PLPP3: variants seen among roughly 807,000 people sequenced by gnomAD.
PLPP3 encodes PAP2 beta.
In PLPP3, 6 loss-of-function variants were observed where a neutral mutation model predicts 29.6. The observed-to-expected ratio is 0.20, with a 90% CI of 0.11 to 0.40. The LOEUF is 0.40. Ranked by LOEUF, PLPP3 falls within the 10% of genes least tolerant of loss-of-function variation. The probability of loss-of-function intolerance (pLI) is 1.00; values close to 1 mark genes in which losing one functional copy is unlikely to be tolerated. For synonymous variants in PLPP3, 152 were observed against 159.7 expected (o/e 0.95, Z 0.36); for missense variants, 308 against 407.7 (o/e 0.76, Z 2.11).
At position 56,524,108 on chromosome 1, in the gene PLPP3, C is replaced by T. The variant is rs754246250; in HGVS notation, c.575+169G>A. Among the ~76,000 whole-genome samples the T allele has an allele frequency of 2.6e-4, 39 of 152,176 alleles. No individual in the cohort carries two copies. Among genetic ancestry groups the T allele is most frequent in the Non-Finnish European group, 4.4e-4 (30 of 68,032 alleles). The stretch of plus-strand genomic sequence containing the variant: ...ATGAATGTACCTACCCATGCTATAT[C>T]GGAAGTATTGATTTACATATCTGTC... On this transcript the variant is annotated intron_variant, in intron 3 of 5. Transcript: ENST00000371250. The surrounding 1 kb of genome is among the most constrained non-coding windows in gnomAD (Gnocchi z 4.3).
intron 1 of PLPP3, among the ~76,000 whole-genome samples, chr1:56,550,588 GA>G (rs2100282206): frequency 6.6e-6 from 1 of 152,174 alleles, no homozygotes; most frequent in African/African-American, 2.4e-5. Flanking sequence ...CAGAGGGGAG[GA>G]AGAGGGTTGC....
At chr1:56,497,173 T>A (rs547346761) in intron 5 of PLPP3, among the ~76,000 whole-genome samples, 1 of 152,318 alleles carries the variant, frequency 6.6e-6, no homozygotes, top group South Asian at 2.1e-4. Flanking sequence ...GAAAACTTAG[T>A]GATATCAACC....
At chr1:56,537,814 G>A (rs1645938533) in intron 1 of PLPP3, among the ~76,000 whole-genome samples, 1 of 152,172 alleles carries the variant, frequency 6.6e-6, no homozygotes, top group Non-Finnish European at 1.5e-5. Context: ...TGGCCCTGCT[G>A]CCTGCAGACC....
chr1:56,557,875 C>A (rs1313680142), intron 1 of PLPP3, among the ~76,000 whole-genome samples: 1 of 152,168 alleles, frequency 6.6e-6, no homozygotes, highest in Non-Finnish European at 1.5e-5. Flanking sequence ...GGGCGCTTTT[C>A]CAACCCCATA....
At chr1:56,532,691 T>C (rs755854835) in intron 2 of PLPP3, among the ~76,000 whole-genome samples, 1 of 152,148 alleles carries the variant, frequency 6.6e-6, no homozygotes, top group Non-Finnish European at 1.5e-5. Flanking sequence ...TCCTCTGATA[T>C]CTTTTGACCT....
chr1:56,523,988 C>G, intron 3 of PLPP3, 108 bp from the exon 4 acceptor site: 1 of 1,309,604 alleles, frequency 7.6e-7, no homozygotes, highest in South Asian at 1.3e-5. Flanking sequence ...AGGCACTAGG[C>G]CCTGTTCATT....
intron 1 of PLPP3, among the ~76,000 whole-genome samples, chr1:56,552,025 C>T (rs1646042729): frequency 6.6e-6 from 1 of 152,204 alleles, no homozygotes; most frequent in African/African-American, 2.4e-5. Flanking sequence ...TTGCATCTGA[C>T]ACAAGGTATT....
At chr1:56,519,619 C>T (rs1645805052) in intron 4 of PLPP3, among the ~76,000 whole-genome samples, 1 of 152,116 alleles carries the variant, frequency 6.6e-6, no homozygotes, top group African/African-American at 2.4e-5. Context: ...ACATTTTATC[C>T]AGATAGCATG....
At chr1:56,501,068 A>G (rs1557496105) in intron 5 of PLPP3, among the ~76,000 whole-genome samples, 1 of 151,802 alleles carries the variant, frequency 6.6e-6, no homozygotes, top group Non-Finnish European at 1.5e-5. Context: ...ACGGAGTCAA[A>G]AAGCATGCAG....
In PLPP3 at chr1:56,507,168, C is replaced by T. The variant is rs570687515; in HGVS notation, c.810+4808G>A. On this transcript the variant is annotated intron_variant, in intron 5 of 5. Coordinates refer to ENST00000371250, the MANE Select transcript of PLPP3 (RefSeq NM_003713.5). ...CTCAACAGACCCAGGTAAAAGTTCT[C>T]GGCTGTCATGCCTGTTGCCTAAGGC... Among the ~76,000 whole-genome samples, 88 of 152,316 alleles carry T rather than the reference C, an allele frequency of 5.8e-4. 1 individual carries two copies. The highest frequency in any genetic ancestry group is 2.1e-3 in the African/African-American group (87 of 41,568).
intron 1 of PLPP3, among the ~76,000 whole-genome samples, chr1:56,552,443 T>G (rs79454567): frequency 0.01 from 1,596 of 152,282 alleles, 26 homozygotes; most frequent in African/African-American, 0.034. Flanking sequence ...TGATATATAA[T>G]TTACATAGCA....
At chr1:56,526,693 T>C (rs1052044679) in intron 2 of PLPP3, among the ~76,000 whole-genome samples, 1 of 152,226 alleles carries the variant, frequency 6.6e-6, no homozygotes, top group African/African-American at 2.4e-5. Context: ...TTTCTGCATT[T>C]GCAAAACGAG....
intron 2 of PLPP3, among the ~76,000 whole-genome samples, chr1:56,529,879 C>A (rs1187602786): frequency 6.6e-6 from 1 of 151,980 alleles, no homozygotes; most frequent in East Asian, 1.9e-4. Flanking sequence ...AGAATAAAGA[C>A]AGCAAAGAGG....
intron 1 of PLPP3, chr1:56,538,913 A>G (rs1645948386): frequency 6.6e-6 from 1 of 151,574 alleles, no homozygotes; most frequent in African/African-American, 2.4e-5. Context: ...ATGGCATAGT[A>G]GATGTTAAAA....
chr1:56,531,239 G>A lies in PLPP3; in HGVS notation c.297+5716C>T, dbSNP rs11206837. Among the ~76,000 whole-genome samples, 1,039 of 152,126 alleles carry A rather than the reference G, an allele frequency of 6.8e-3. 10 individuals are homozygous for A. Among genetic ancestry groups the A allele is most frequent in the African/African-American group, 0.023 (956 of 41,472 alleles). ...CAATCTGCAGCATCTGATATGTTTCGTCCTTGAAGCTCTCCCCTCCCTAGC... is the reference window on the plus strand; with the variant it reads ...CAATCTGCAGCATCTGATATGTTTCATCCTTGAAGCTCTCCCCTCCCTAGC... On this transcript the variant is annotated intron_variant, in intron 2 of 5. Coordinates refer to ENST00000371250, the MANE Select transcript of PLPP3 (RefSeq NM_003713.5).
intron 4 of PLPP3, among the ~76,000 whole-genome samples, chr1:56,519,040 G>A (rs554128838): frequency 8.6e-5 from 13 of 151,602 alleles, no homozygotes; most frequent in African/African-American, 3.2e-4. Context: ...TCGGGGTGGG[G>A]TGCGGGGAGA....
chr1:56,528,401 A>G (rs879329393), intron 2 of PLPP3, among the ~76,000 whole-genome samples: 4 of 152,174 alleles, frequency 2.6e-5, no homozygotes, highest in Admixed American at 2.6e-4. Flanking sequence ...AAATATGAAG[A>G]AAAATTAGGA....
At chr1:56,509,371 C>T (rs963073609) in intron 5 of PLPP3, among the ~76,000 whole-genome samples, 1 of 152,150 alleles carries the variant, frequency 6.6e-6, no homozygotes, top group Non-Finnish European at 1.5e-5. Flanking sequence ...ACTGCAGGGC[C>T]TTCAGCTTCA....
chr1:56,515,334 T>G (rs1231343087), intron 4 of PLPP3, among the ~76,000 whole-genome samples: 1 of 152,116 alleles, frequency 6.6e-6, no homozygotes, highest in Non-Finnish European at 1.5e-5. Flanking sequence ...AAAATGCTTG[T>G]TACGAGTCCT....
Sources: gnomAD v4.1 joint callset for allele counts (sites outside exome capture counted in the v4.1 genomes callset) on GRCh38, gnomAD v4.1.1 for gene constraint, Gnocchi (gnomAD v3.1) non-coding constraint, MANE v1.5 for transcripts, NCBI Gene and HGNC (gene_info 2026-07-23, HGNC 2026-07-21) for gene names.